Variants in RAD50 observed in about 807,000 individuals in gnomAD.
RAD50 encodes DNA repair protein RAD50.
In RAD50, 132 loss-of-function variants were observed where a neutral mutation model predicts 168.8. The ratio of observed to expected loss-of-function variants is 0.78; its 90% CI spans 0.68 to 0.90. The LOEUF (loss-of-function observed/expected upper bound fraction) is 0.90, where lower values mean the gene tolerates loss of function less well. RAD50 is among the 40% of genes least tolerant of loss of function. The pLI is 0.00. For synonymous variants in RAD50, 525 were observed against 497.4 expected (o/e 1.06, Z -0.74); for missense variants, 1,347 against 1,534.4 (o/e 0.88, Z 2.04).
intron 7 of RAD50, 125 bp from the exon 8 acceptor site, chr5:132,588,562 G>T (rs1323067155): frequency 2.2e-6 from 2 of 929,900 alleles, no homozygotes; most frequent in East Asian, 2.6e-5. Flanking sequence ...TGTTATCATT[G>T]GGAGAAACTG....
At chr5:132,595,506 C>T (rs1750773266) in intron 12 of RAD50, 67 bp from the exon 13 acceptor site, 3 of 996,332 alleles carry the variant, frequency 3.0e-6, no homozygotes, top group Non-Finnish European at 4.7e-6. Flanking sequence ...AAAGATACAA[C>T]CGTATTCAGA....
chr5:132,640,359 G>T (rs1751691535), intron 23 of RAD50, among the ~76,000 whole-genome samples: 1 of 152,152 alleles, frequency 6.6e-6, no homozygotes, highest in Non-Finnish European at 1.5e-5. Context: ...CAGATAAATG[G>T]CATTGTCTCT....
At chr5:132,560,490 A>T (rs1359004578) in intron 2 of RAD50, among the ~76,000 whole-genome samples, 2 of 152,140 alleles carry the variant, frequency 1.3e-5, no homozygotes, top group African/African-American at 4.8e-5. Context: ...TCTCTCCTTA[A>T]ATCTACAATC....
intron 5 of RAD50, among the ~76,000 whole-genome samples, chr5:132,584,475 T>C (rs901426170): frequency 2.0e-5 from 3 of 152,234 alleles, no homozygotes; most frequent in Non-Finnish European, 4.4e-5. Flanking sequence ...TTCACTCTGA[T>C]GGTAGTTTCT....
At position 132,591,918 on chromosome 5, in the gene RAD50, C is replaced by T. The variant is rs142619269; in HGVS notation, c.1677C>T (p.His559=). The part of the protein sequence containing the change: ...DEQIRKIKSR[H]SDELTSLLGY... ...AAATCAGAAAAATAAAATCTAGGCA[C>T]AGTGATGAATTAACCTCACTGTTGG... is the stretch of plus-strand genomic sequence containing the variant. The change falls in exon 11 of 25, where the codon CAC becomes CAT. Residue 559 remains histidine (H), a synonymous_variant. Coordinates refer to ENST00000378823, the MANE Select transcript of RAD50 (RefSeq NM_005732.4). 75 of 1,608,822 alleles carry T rather than the reference C, an allele frequency of 4.7e-5. No homozygotes were observed. The African/African-American group carries it at 8.3e-4, about 18-fold the overall frequency.
rs876658784 is a variant in RAD50, at chr5:132,559,283, G to T, written c.130-1G>T. 3 of 1,599,382 alleles carry T rather than the reference G, an allele frequency of 1.9e-6. No homozygotes were observed. Among genetic ancestry groups the T allele is most frequent in the Non-Finnish European group, 2.6e-6 (3 of 1,173,510 alleles). On this transcript the variant is annotated splice_acceptor_variant, in intron 1 of 24. Coordinates refer to ENST00000378823, the MANE Select transcript of RAD50 (RefSeq NM_005732.4). LOFTEE classifies it high-confidence loss of function. ...AATAATGTAATTTTCTATTTCTTTA[G>T]ACCATCATTGAATGTCTAAAATATA...
chr5:132,614,328 A>G (rs1751138426), intron 19 of RAD50, among the ~76,000 whole-genome samples: 1 of 152,230 alleles, frequency 6.6e-6, no homozygotes, highest in Non-Finnish European at 1.5e-5. Context: ...ATAGTACCCC[A>G]TAGTAGAACC....
chr5:132,633,274 C>T (rs2406541), intron 21 of RAD50, among the ~76,000 whole-genome samples: 151,760 of 151,762 alleles, frequency 1, 75,879 homozygotes, highest in Middle Eastern at 1. Context: ...CTGGCTAATT[C>T]TTGTATCTTT....
At chr5:132,571,810 C>T (rs189139182) in intron 2 of RAD50, among the ~76,000 whole-genome samples, 17 of 152,314 alleles carry the variant, frequency 1.1e-4, no homozygotes, top group Admixed American at 2.0e-4. Context: ...AAAAGGAACT[C>T]ATCATCGCTT....
chr5:132,606,587 GA>G (rs1179690047), intron 16 of RAD50, among the ~76,000 whole-genome samples: 1 of 152,074 alleles, frequency 6.6e-6, no homozygotes, highest in Non-Finnish European at 1.5e-5. Flanking sequence ...CCTAACAATA[GA>G]AAAAGAGGGA....
rs2149840560 is a variant in RAD50 at position 132,587,917 on chromosome 5, T to C, written c.886-7T>C. The C allele has an allele frequency of 6.2e-7, 1 of 1,611,982 alleles. No individual in the cohort carries two copies. Among genetic ancestry groups the C allele is most frequent in the East Asian group, 2.2e-5 (1 of 44,762 alleles). ...ACATTAAAGCTTTTTATTTTGGTGT[T>C]ACACAGGTTTTTCAAGGGACTGATG... On this transcript the variant is annotated splice_region_variant and splice_polypyrimidine_tract_variant and intron_variant, in intron 6 of 24. Coordinates refer to ENST00000378823, the MANE Select transcript of RAD50 (RefSeq NM_005732.4).
At chr5:132,603,232 A>C in intron 13 of RAD50, 68 bp from the exon 14 acceptor site, 1 of 1,415,286 alleles carries the variant, frequency 7.1e-7, no homozygotes, top group Non-Finnish European at 9.7e-7. Flanking sequence ...TCTTCCTAAA[A>C]ATACATAACC....
Position 132,591,913 on chromosome 5 carries a change from A to G in RAD50, c.1672A>G (p.Arg558Gly), listed in dbSNP as rs587782841. The G allele has an allele frequency of 8.1e-6, 13 of 1,608,644 alleles. No homozygotes were observed. Among genetic ancestry groups the G allele is most frequent in the Non-Finnish European group, 1.0e-5 (12 of 1,175,444 alleles). ...KDEQIRKIKS[R>G]HSDELTSLLG... The stretch of plus-strand genomic sequence containing the variant: ...TGAACAAATCAGAAAAATAAAATCT[A>G]GGCACAGTGATGAATTAACCTCACT... Residue 558 changes from arginine to glycine, a missense_variant, in exon 11 of 25, where the codon AGG becomes GGG. Around this residue, in one of 3 missense-constraint regions of RAD50, gnomAD observed 703 missense variants for 767.7 expected, o/e 0.92. Coordinates refer to ENST00000378823, the MANE Select transcript of RAD50 (RefSeq NM_005732.4).
In RAD50 at chr5:132,584,582, A is replaced by G. The variant is rs555075129; in HGVS notation, c.757-2980A>G. 1.1e-4 allele frequency among the ~76,000 whole-genome samples: 17 copies of G among 152,172 alleles called. 1 individual carries two copies. The highest frequency in any genetic ancestry group is 1.7e-4 in the African/African-American group (7 of 41,428). On this transcript the variant is annotated intron_variant, in intron 5 of 24. Transcript: ENST00000378823. ...AATAGAAATACCATTTGACCCAGCC[A>G]TCCCATTACTGGGTATATACCCAAA...
At chr5:132,600,204 G>A (rs1750863463) in intron 13 of RAD50, 1 of 152,210 alleles carries the variant, frequency 6.6e-6, no homozygotes, top group African/African-American at 2.4e-5. Flanking sequence ...CCAGTGGGGA[G>A]GAGATGGATG....
chr5:132,632,133 C>T (rs553375499), intron 21 of RAD50, among the ~76,000 whole-genome samples: 55 of 152,334 alleles, frequency 3.6e-4, no homozygotes, highest in African/African-American at 1.3e-3. Flanking sequence ...CCTGTGCTAT[C>T]TCTCCCATCC....
chr5:132,603,015 A>G (rs1019089034), intron 13 of RAD50, among the ~76,000 whole-genome samples: 5 of 152,244 alleles, frequency 3.3e-5, no homozygotes, highest in Non-Finnish European at 5.9e-5. Flanking sequence ...GAAGCAAGAT[A>G]TTTACATAGT....
In RAD50 at chr5:132,591,218, G is replaced by A. The variant is rs1580994303; in HGVS notation, c.1453-6G>A. 1 of 1,601,422 alleles carries A rather than the reference G, an allele frequency of 6.2e-7. No individual in the cohort carries two copies. The highest frequency in any genetic ancestry group is 1.3e-5 in the African/African-American group (1 of 74,560). The stretch of plus-strand genomic sequence containing the variant: ...CACCTTTGCATTTGTATGAATTATT[G>A]ACTAGGAACGTGAGTTAAGCAAGGC... On this transcript the variant is annotated splice_polypyrimidine_tract_variant and splice_region_variant and intron_variant, in intron 9 of 24. Transcript: ENST00000378823.
chr5:132,567,327 G>T (rs1310925957), intron 2 of RAD50, among the ~76,000 whole-genome samples: 2 of 152,142 alleles, frequency 1.3e-5, no homozygotes, highest in Admixed American at 6.5e-5. Context: ...CACAGATAAT[G>T]CAGGGCTATA....
Sources: gnomAD v4.1 joint callset for allele counts (sites outside exome capture counted in the v4.1 genomes callset) on GRCh38, gnomAD v4.1.1 for gene constraint, gnomAD v4.1.1 regional missense constraint, MANE v1.5 for transcripts, NCBI Gene and HGNC (gene_info 2026-07-23, HGNC 2026-07-21) for gene names.